The following NRXN3 variants were observed in gnomAD, a reference collection of about 807,000 sequenced individuals.
The protein encoded by NRXN3 is neurexin III.
In NRXN3, 32 loss-of-function variants were observed where a neutral mutation model predicts 137.6. That is an observed-to-expected ratio of 0.23 (90% CI 0.18 to 0.31). The LOEUF (loss-of-function observed/expected upper bound fraction) is 0.31. Ranked by LOEUF, NRXN3 falls within the 10% of genes least tolerant of loss-of-function variation. The probability of loss-of-function intolerance (pLI) is 1.00; values close to 1 mark genes in which losing one functional copy is unlikely to be tolerated. For missense variants in NRXN3, 1,574 were observed against 2,062.5 expected (o/e 0.76, Z 4.59); for synonymous variants, 798 against 784.5 (o/e 1.02, Z -0.29).
intron 15 of NRXN3, among the ~76,000 whole-genome samples, chr14:79,372,027 A>G (rs528262408): frequency 6.6e-6 from 1 of 152,300 alleles, no homozygotes; most frequent in South Asian, 2.1e-4. Context: ...TGAACAATTT[A>G]TATGCTGATA....
intron 17 of NRXN3, among the ~76,000 whole-genome samples, chr14:79,689,325 T>C (rs1005384830): frequency 1.3e-5 from 2 of 152,134 alleles, no homozygotes; most frequent in Non-Finnish European, 2.9e-5. Flanking sequence ...AGAAGGTTGT[T>C]TGCGCTTCAG....
At chr14:79,849,654 G>A (rs2099387610) in intron 20 of NRXN3, among the ~76,000 whole-genome samples, 1 of 152,176 alleles carries the variant, frequency 6.6e-6, no homozygotes, top group Non-Finnish European at 1.5e-5. Flanking sequence ...TACACTGTGG[G>A]TGGGAATTTG....
At chr14:78,525,984 T>C (rs2096372664) in intron 4 of NRXN3, among the ~76,000 whole-genome samples, 1 of 152,146 alleles carries the variant, frequency 6.6e-6, no homozygotes, top group Admixed American at 6.5e-5. Context: ...TGAAAGGGGA[T>C]TCATAAGAGC....
chr14:79,151,800 T>C (rs560706297), intron 15 of NRXN3, among the ~76,000 whole-genome samples: 1 of 152,126 alleles, frequency 6.6e-6, no homozygotes, highest in East Asian at 2.0e-4. Flanking sequence ...ACAGACTAAA[T>C]CTAAATCCCT....
At chr14:78,788,279 G>GC (rs1306868776) in intron 8 of NRXN3, among the ~76,000 whole-genome samples, 1 of 6,546 alleles carries the variant, frequency 1.5e-4, no homozygotes, top group Non-Finnish European at 3.5e-3. Flanking sequence ...TACTGAGCAT[G>GC]GTATTATCAG....
At chr14:78,712,000 A>T (rs1052673833) in intron 7 of NRXN3, among the ~76,000 whole-genome samples, 1 of 152,222 alleles carries the variant, frequency 6.6e-6, no homozygotes, top group African/African-American at 2.4e-5. Flanking sequence ...ACAAACAGTG[A>T]TCTAGAAAAA....
chr14:78,695,792 T>C (rs1028589234), intron 6 of NRXN3: 5 of 152,050 alleles, frequency 3.3e-5, no homozygotes, highest in Admixed American at 1.3e-4. Flanking sequence ...AGAATAAAAA[T>C]GGGTCTAAGT....
intron 19 of NRXN3, among the ~76,000 whole-genome samples, chr14:79,732,617 T>C (rs1226332101): frequency 6.6e-6 from 1 of 152,206 alleles, no homozygotes; most frequent in Non-Finnish European, 1.5e-5. Context: ...AAACTGGGTC[T>C]TTTGTGAGGT....
At chr14:78,637,849 G>C (rs1385082184) in intron 4 of NRXN3, among the ~76,000 whole-genome samples, 3 of 152,192 alleles carry the variant, frequency 2.0e-5, no homozygotes, top group African/African-American at 7.2e-5. Context: ...ATACTTACAA[G>C]GTTGCCATGT....
At chr14:79,078,445 C>T (rs192303362) in intron 15 of NRXN3, among the ~76,000 whole-genome samples, 3 of 152,270 alleles carry the variant, frequency 2.0e-5, no homozygotes, top group Admixed American at 6.5e-5. Context: ...AAAATCCATC[C>T]AACCTTGCTC....
chr14:79,165,546 G>T (rs2061207849), intron 15 of NRXN3, among the ~76,000 whole-genome samples: 1 of 151,980 alleles, frequency 6.6e-6, no homozygotes, highest in Non-Finnish European at 1.5e-5. Flanking sequence ...AATCTATGCA[G>T]ACACACACAA....
At chr14:78,688,631 G>A (rs951139924) in intron 6 of NRXN3, among the ~76,000 whole-genome samples, 2 of 152,132 alleles carry the variant, frequency 1.3e-5, no homozygotes, top group Admixed American at 6.6e-5. Flanking sequence ...CAAGAAGATA[G>A]GTGGTCAGGA....
chr14:78,299,948 T>C (rs1201677366), intron 4 of NRXN3, among the ~76,000 whole-genome samples: 1 of 152,236 alleles, frequency 6.6e-6, no homozygotes, highest in African/African-American at 2.4e-5. Context: ...TAATCTGTTT[T>C]TAAGACAGTC....
chr14:79,495,033 G>A (rs760787229), intron 16 of NRXN3, among the ~76,000 whole-genome samples: 22 of 152,144 alleles, frequency 1.4e-4, no homozygotes, highest in African/African-American at 2.9e-4. Flanking sequence ...GAACTTGGGC[G>A]TCAGTCTCTT....
chr14:78,309,212 C>T (rs935768886), intron 4 of NRXN3, among the ~76,000 whole-genome samples: 7 of 151,940 alleles, frequency 4.6e-5, no homozygotes. Flanking sequence ...GAAGTTTTGT[C>T]ATCTTGTAGA....
intron 15 of NRXN3, among the ~76,000 whole-genome samples, chr14:79,022,330 A>G (rs2099591128): frequency 6.6e-6 from 1 of 152,206 alleles, no homozygotes. Context: ...AATTTAATAA[A>G]TGCTTCCCAA....
intron 4 of NRXN3, among the ~76,000 whole-genome samples, chr14:78,521,740 G>A (rs1222549699): frequency 6.6e-6 from 1 of 152,040 alleles, no homozygotes; most frequent in African/African-American, 2.4e-5. Context: ...TATATAACTG[G>A]ATAAGAGGGC....
At chr14:78,209,631 G>A (rs375352719) in intron 1 of NRXN3, among the ~76,000 whole-genome samples, 24 of 152,272 alleles carry the variant, frequency 1.6e-4, no homozygotes, top group African/African-American at 5.8e-4. Flanking sequence ...CAGATCTCAT[G>A]AGAACTCACT....
intron 4 of NRXN3, among the ~76,000 whole-genome samples, chr14:78,306,837 C>G (rs2077418705): frequency 6.6e-6 from 1 of 152,120 alleles, no homozygotes; most frequent in Admixed American, 6.6e-5. Context: ...GTGCTAAGTA[C>G]ACAGAAACTG....
Sources: gnomAD v4.1 joint callset for allele counts (sites outside exome capture counted in the v4.1 genomes callset) on GRCh38, gnomAD v4.1.1 for gene constraint, MANE v1.5 for transcripts, NCBI Gene and HGNC (gene_info 2026-07-23, HGNC 2026-07-21) for gene names.